The following ADAMTS17 variants were observed in gnomAD, a reference collection of about 807,000 sequenced individuals.
ADAMTS17 encodes ADAM metallopeptidase with thrombospondin type 1 motif 17.
ADAMTS17 carries 113 observed loss-of-function variants against 141.5 expected under a neutral mutation model. The ratio of observed to expected loss-of-function variants is 0.80; its 90% CI spans 0.69 to 0.93. The LOEUF (loss-of-function observed/expected upper bound fraction) is 0.93, where lower values mean the gene tolerates loss of function less well. Among genes scored for constraint, ADAMTS17 ranks in the 40% least tolerant of loss-of-function variants. The pLI is 0.00. For missense variants in ADAMTS17, 1,659 were observed against 1,517.9 expected, an observed-to-expected ratio of 1.09 and a Z score of -1.54; for synonymous variants, 768 against 630.6, an observed-to-expected ratio of 1.22 and a Z score of -3.27.
At chr15:100,246,546 A>C (rs1428465759) in intron 7 of ADAMTS17, among the ~76,000 whole-genome samples, 1 of 152,222 alleles carries the variant, frequency 6.6e-6, no homozygotes, top group African/African-American at 2.4e-5. Flanking sequence ...TATGTAATTA[A>C]GCCTTCCCCT....
chr15:100,026,289 T>C (rs2061514187), intron 18 of ADAMTS17, among the ~76,000 whole-genome samples: 2 of 152,276 alleles, frequency 1.3e-5, no homozygotes, highest in African/African-American at 4.8e-5. Context: ...TCCATTGTAC[T>C]GTGGATGTGC....
intron 8 of ADAMTS17, among the ~76,000 whole-genome samples, chr15:100,177,293 A>T (rs1328787737): frequency 6.6e-6 from 1 of 152,248 alleles, no homozygotes; most frequent in Non-Finnish European, 1.5e-5. Context: ...ACAGCTATAC[A>T]TTCCCTCTCA....
intron 14 of ADAMTS17, among the ~76,000 whole-genome samples, chr15:100,103,278 G>T (rs564537118): frequency 2.4e-4 from 37 of 152,318 alleles, no homozygotes; most frequent in African/African-American, 8.7e-4. Flanking sequence ...GCAGGGTCAC[G>T]GTGCAGGGAA....
chr15:100,338,230 A>T (rs1406800856), intron 2 of ADAMTS17, among the ~76,000 whole-genome samples: 2 of 152,192 alleles, frequency 1.3e-5, no homozygotes, highest in African/African-American at 4.8e-5. Context: ...GCAAAAATGG[A>T]ACAGGTGCTT....
chr15:100,171,054 G>A (rs755066265), intron 8 of ADAMTS17, among the ~76,000 whole-genome samples: 9 of 152,186 alleles, frequency 5.9e-5, no homozygotes, highest in Admixed American at 3.3e-4. Flanking sequence ...TTCTCCTAGG[G>A]GAAGCCATTT....
At chr15:100,197,636 T>A (rs1281342632) in intron 8 of ADAMTS17, among the ~76,000 whole-genome samples, 1 of 152,200 alleles carries the variant, frequency 6.6e-6, no homozygotes, top group Non-Finnish European at 1.5e-5. Flanking sequence ...AGACAACTTC[T>A]CATCTTGCTT....
intron 10 of ADAMTS17, among the ~76,000 whole-genome samples, chr15:100,133,552 T>C (rs2038168338): frequency 6.6e-6 from 1 of 151,268 alleles, no homozygotes; most frequent in Admixed American, 6.6e-5. Context: ...CGGAGTTGAG[T>C]TCAACAGCTC....
At chr15:100,077,874 A>T (rs28811398) in intron 15 of ADAMTS17, among the ~76,000 whole-genome samples, 23,708 of 152,112 alleles carry the variant, frequency 0.16, 3,565 homozygotes, top group African/African-American at 0.4. Flanking sequence ...CAAGGAATCC[A>T]TTAAAAAACC....
intron 18 of ADAMTS17, among the ~76,000 whole-genome samples, chr15:100,040,632 A>G (rs1170783069): frequency 6.6e-6 from 1 of 151,182 alleles, no homozygotes; most frequent in Non-Finnish European, 1.5e-5. Flanking sequence ...GTACCAGGGC[A>G]TTCTCTCATC....
intron 8 of ADAMTS17, among the ~76,000 whole-genome samples, chr15:100,164,031 T>C (rs2039846745): frequency 6.6e-6 from 1 of 152,196 alleles, no homozygotes; most frequent in Non-Finnish European, 1.5e-5. Context: ...CACTCCTAGC[T>C]GGCCTTCTTT....
chr15:100,030,870 G>A lies in ADAMTS17; in HGVS notation c.2591+17987C>T, dbSNP rs915885598. ...CTGTATTAAAAATGTGTGTGTGCAC[G>A]CTCACATGTGTATGTGTGAGGAGTG... On this transcript the variant is annotated intron_variant, in intron 18 of 21. Coordinates refer to ENST00000268070, the MANE Select transcript of ADAMTS17 (RefSeq NM_139057.4). Among the ~76,000 whole-genome samples, 9 of 152,182 alleles carry A rather than the reference G, an allele frequency of 5.9e-5. No individual in the cohort carries two copies. The South Asian group carries it at 6.2e-4, about 11-fold the overall frequency.
At chr15:100,314,133 A>G (rs1405259361) in intron 3 of ADAMTS17, among the ~76,000 whole-genome samples, 1 of 152,282 alleles carries the variant, frequency 6.6e-6, no homozygotes, top group Non-Finnish European at 1.5e-5. Flanking sequence ...ACTAGTCTAT[A>G]CTAATATTTT....
chr15:100,074,865 C>T (rs1173766229), intron 15 of ADAMTS17, among the ~76,000 whole-genome samples: 1 of 152,096 alleles, frequency 6.6e-6, no homozygotes, highest in African/African-American at 2.4e-5. Flanking sequence ...GCAATGTAAT[C>T]TCTTATGACT....
chr15:99,988,282 G>A (rs188418981), intron 20 of ADAMTS17, among the ~76,000 whole-genome samples: 15 of 152,250 alleles, frequency 9.9e-5, no homozygotes, highest in East Asian at 1.9e-4. Flanking sequence ...ACGGTCATGA[G>A]TGGGTTCTTG....
chr15:100,263,457 T>A (rs12915522), intron 4 of ADAMTS17, among the ~76,000 whole-genome samples: 4,488 of 152,310 alleles, frequency 0.029, 81 homozygotes, highest in Middle Eastern at 0.071. Flanking sequence ...AAAGGACCTA[T>A]CTTTCTCAAT....
At position 100,072,729 on chromosome 15, in the gene ADAMTS17, C is replaced by T. The variant is rs1005806338; in HGVS notation, c.2138-18675G>A. Reference sequence around the variant, plus strand: ...ATGTAGAAAGCTGAAACTGGATCCCCTCCTTACACCTTATACAAAAATTAA... The same window carrying T: ...ATGTAGAAAGCTGAAACTGGATCCCTTCCTTACACCTTATACAAAAATTAA... On this transcript the variant is annotated intron_variant, in intron 15 of 21. Coordinates refer to ENST00000268070, the MANE Select transcript of ADAMTS17 (RefSeq NM_139057.4). Among the ~76,000 whole-genome samples the T allele has an allele frequency of 1.4e-4, 22 of 152,142 alleles. 1 individual carries two copies. The highest frequency in any genetic ancestry group is 2.2e-4 in the African/African-American group (9 of 41,502).
intron 13 of ADAMTS17, among the ~76,000 whole-genome samples, chr15:100,114,210 C>A (rs988442022): frequency 6.8e-6 from 1 of 147,460 alleles, no homozygotes; most frequent in African/African-American, 2.5e-5. Flanking sequence ...AACAAAAATA[C>A]AGCTTCCCTT....
At chr15:100,063,665 C>T (rs1260188735) in intron 15 of ADAMTS17, 2 of 1,289,820 alleles carry the variant, frequency 1.6e-6, no homozygotes, top group African/African-American at 1.5e-5. Context: ...TGAGTCAAGT[C>T]ATTTGTGTTT....
At chr15:99,975,198 A>T (rs574826357) in intron 21 of ADAMTS17, among the ~76,000 whole-genome samples, 6 of 152,308 alleles carry the variant, frequency 3.9e-5, no homozygotes, top group African/African-American at 1.4e-4. Flanking sequence ...AACTCTGTTA[A>T]AAGGAATCAT....
Sources: gnomAD v4.1 joint callset for allele counts (sites outside exome capture counted in the v4.1 genomes callset) on GRCh38, gnomAD v4.1.1 for gene constraint, MANE v1.5 for transcripts, NCBI Gene and HGNC (gene_info 2026-07-23, HGNC 2026-07-21) for gene names.